Variants in STIL observed in about 807,000 individuals in gnomAD.
STIL encodes the protein SCL-interrupting locus protein.
Under a neutral mutation model 110.1 loss-of-function variants are expected in STIL, and 55 were observed. The observed-to-expected ratio is 0.50, with a 90% confidence interval of 0.40 to 0.63. The LOEUF (loss-of-function observed/expected upper bound fraction) is 0.63, where lower values mean the gene tolerates loss of function less well. Among genes scored for constraint, STIL ranks in the 20% least tolerant of loss-of-function variants. The pLI is 0.00. For synonymous variants in STIL, 481 were observed against 530.0 expected (o/e 0.91, Z 1.27); for missense variants, 1,358 against 1,530.0 (o/e 0.89, Z 1.87).
At chr1:47,309,042 ACT>A (rs1276415737) in intron 2 of STIL, among the ~76,000 whole-genome samples, 3 of 150,462 alleles carry the variant, frequency 2.0e-5, no homozygotes, top group African/African-American at 7.4e-5. Context: ...ACAAAGTGAG[ACT>A]CTGTCTCCAA....
chr1:47,307,222 G>A (rs1645986369), intron 2 of STIL, among the ~76,000 whole-genome samples: 1 of 152,192 alleles, frequency 6.6e-6, no homozygotes, highest in African/African-American at 2.4e-5. Context: ...TCAGGAGGCT[G>A]AGGCATGAGA....
At position 47,259,285 on chromosome 1, in the gene STIL, C is replaced by CTTTTTT. The variant is rs3043082; in HGVS notation, c.3080+998_3080+1003dup. On this transcript the variant is annotated intron_variant, in intron 16 of 16. Coordinates refer to ENST00000371877, the MANE Select transcript of STIL (RefSeq NM_001048166.1). ...ACAGGTGTGAGGTACCGCGCCCGGC[C>CTTTTTT]TTTTTTTTTTTTTTTTTTTTGACTG... is the stretch of plus-strand genomic sequence containing the variant. Among the ~76,000 whole-genome samples, 39 of 76,108 alleles carry CTTTTTT rather than the reference C, an allele frequency of 5.1e-4. 3 individuals are homozygous for CTTTTTT. Among genetic ancestry groups the CTTTTTT allele is most frequent in the African/African-American group, 1.3e-3 (24 of 18,036 alleles). 49.9% of individuals were successfully genotyped at this position (76,108 alleles called of 152,430 possible). A position where few individuals can be genotyped will look rare whatever the true frequency, so the allele number is the denominator to read the frequency against.
chr1:47,301,890 T>C lies in STIL; in HGVS notation c.266-142A>G, dbSNP rs1343647056. 1.4e-5 allele frequency: 11 copies of C among 774,252 alleles called. No individual in the cohort carries two copies. The East Asian group carries it at 2.9e-4, about 21-fold the overall frequency. 48.0% of individuals were successfully genotyped at this position (774,252 alleles called of 1,614,324 possible). A position where few individuals can be genotyped will look rare whatever the true frequency, so the allele number is the denominator to read the frequency against. Reference sequence around the variant, plus strand: ...TAAATACTAAACTAAACTCTTACAGTAAACTAAACTCTTATAAGCGTATAC... The same window carrying C: ...TAAATACTAAACTAAACTCTTACAGCAAACTAAACTCTTATAAGCGTATAC... On this transcript the variant is annotated intron_variant, in intron 4 of 16. Transcript: ENST00000371877.
rs540612576 is a variant in STIL at position 47,299,400 on chromosome 1, C to CTT, written c.701+503_701+504dup. Among the ~76,000 whole-genome samples the CTT allele has an allele frequency of 1.8e-3, 258 of 140,400 alleles. 2 individuals are homozygous for CTT. The highest frequency in any genetic ancestry group is 3.6e-3 in the Middle Eastern group (1 of 274). The allele number at this position is 140,400 out of a possible 152,430, so 92.1% of individuals were successfully genotyped here. ...ATACTTTATGGCCACTCAGTTTTGT[C>CTT]TTTTTTTTTTTTTTGAAACGGAGTC... On this transcript the variant is annotated intron_variant, in intron 6 of 16. Transcript: ENST00000371877.
chr1:47,264,177 T>C (rs899277495), intron 14 of STIL, among the ~76,000 whole-genome samples: 7 of 152,348 alleles, frequency 4.6e-5, no homozygotes, highest in East Asian at 1.9e-4. Flanking sequence ...AAGAGCTAGA[T>C]AGCTCCTTTC....
rs1645758457 is a variant in STIL at position 47,300,074 on chromosome 1, T to A, written c.532A>T (p.Arg178Trp). ...AATTCCACACTGTCCAAACTCTCCC[T>A]GGAAGTGATATGAACTCTTAGGGAA... Reference protein sequence around the residue: ...LLSLRVHITSRESLDSVEFDL... With the variant: ...LLSLRVHITSWESLDSVEFDL... Residue 178 changes from arginine (R) to tryptophan (W), a missense_variant, in exon 6 of 17, where the codon AGG becomes TGG. By Grantham distance (101) the Arg-to-Trp change is moderately radical (BLOSUM62 -3). Coordinates refer to ENST00000371877, the MANE Select transcript of STIL (RefSeq NM_001048166.1). 3.1e-6 allele frequency: 5 copies of A among 1,614,056 alleles called. No homozygotes were observed. The highest frequency in any genetic ancestry group is 4.2e-6 in the Non-Finnish European group (5 of 1,180,032).
chr1:47,296,713 G>A (rs1645651590), intron 6 of STIL, among the ~76,000 whole-genome samples: 1 of 152,156 alleles, frequency 6.6e-6, no homozygotes, highest in East Asian at 1.9e-4. Context: ...GGGAGGCTGA[G>A]GCAGGAGAAT....
At chr1:47,296,268 A>C (rs1480314039) in intron 6 of STIL, among the ~76,000 whole-genome samples, 1 of 152,212 alleles carries the variant, frequency 6.6e-6, no homozygotes, top group Non-Finnish European at 1.5e-5. Context: ...AACAGATGTG[A>C]CTTCTAAGTG....
Position 47,264,714 on chromosome 1 carries a change from A to C in STIL, c.2616-1598T>G, listed in dbSNP as rs571413790. ...CTCAGCAGTGGGAACCAGAGCACGA[A>C]TCAGACCAAAAGTGCGAGAAGGATC... On this transcript the variant is annotated intron_variant, in intron 14 of 16. Coordinates refer to ENST00000371877, the MANE Select transcript of STIL (RefSeq NM_001048166.1). Among the ~76,000 whole-genome samples, 5 of 152,314 alleles carry C rather than the reference A, an allele frequency of 3.3e-5. No homozygotes were observed. The South Asian group carries it at 8.3e-4, about 25-fold the overall frequency.
intron 12 of STIL, among the ~76,000 whole-genome samples, chr1:47,277,074 T>C (rs538930016): frequency 6.6e-6 from 1 of 152,122 alleles, no homozygotes; most frequent in Admixed American, 6.6e-5. Context: ...AAGAAAACAG[T>C]GATGAATGTG....
At chr1:47,294,257 C>T (rs1013930326) in intron 7 of STIL, among the ~76,000 whole-genome samples, 3 of 152,184 alleles carry the variant, frequency 2.0e-5, no homozygotes, top group Non-Finnish European at 4.4e-5. Flanking sequence ...TGTTCACTTT[C>T]CATACTGGTC....
rs940764385 is a variant in STIL, at chr1:47,314,022, A to T, written c.-44+14T>A. On this transcript the variant is annotated intron_variant, in intron 1 of 16. Coordinates refer to ENST00000371877, the MANE Select transcript of STIL (RefSeq NM_001048166.1). ...CCTCTCAAGGGGAAACCAGGAGCAC[A>T]AAGCTCCACTTACCGCAACTTCCGC... 5 of 152,448 alleles carry T rather than the reference A, an allele frequency of 3.3e-5. No individual in the cohort carries two copies. The highest frequency in any genetic ancestry group is 1.2e-4 in the African/African-American group (5 of 41,468). The allele number at this position is 152,448 out of a possible 1,614,324, so 9.4% of individuals were successfully genotyped here. A position where few individuals can be genotyped will look rare whatever the true frequency, so the allele number is the denominator to read the frequency against.
chr1:47,311,073 C>T (rs1646108899), intron 1 of STIL, among the ~76,000 whole-genome samples: 1 of 151,948 alleles, frequency 6.6e-6, no homozygotes, highest in African/African-American at 2.4e-5. Context: ...GTCTCAATCT[C>T]TTGACCTCGT....
intron 1 of STIL, chr1:47,313,047 G>A (rs1646181192): frequency 6.6e-6 from 1 of 152,214 alleles, no homozygotes; most frequent in Admixed American, 6.5e-5. Context: ...GCTCATGTCA[G>A]GGGCGGTGGC....
rs761550826 is a variant in STIL, at chr1:47,281,098, G to T, written c.1360C>A (p.Pro454Thr). Residue 454 changes from proline (P) to threonine (T), a missense_variant, in exon 12 of 17, where the codon CCT (proline) becomes ACT (threonine). Transcript: ENST00000371877. ...PLEMVNNENP[P>T]LINHLEHLKP... ...AAGTGTTCCAAGTGGTTAATCAAAG[G>T]AGGATTTTCATTATTCACCATTTCC... is the stretch of plus-strand genomic sequence containing the variant. 1.5e-5 allele frequency: 24 copies of T among 1,613,966 alleles called. No homozygotes were observed. Among genetic ancestry groups the T allele is most frequent in the Non-Finnish European group, 5.1e-6 (6 of 1,180,026 alleles).
At chr1:47,270,254 A>ACG in intron 13 of STIL, among the ~76,000 whole-genome samples, 1 of 119,526 alleles carries the variant, frequency 8.4e-6, no homozygotes, top group Non-Finnish European at 1.8e-5. Context: ...ATATATATAT[A>ACG]TACACACACA....
chr1:47,254,539 T>G (rs80091617), intron 16 of STIL, among the ~76,000 whole-genome samples: 155 of 150,022 alleles, frequency 1.0e-3, no homozygotes, highest in African/African-American at 3.4e-3. Flanking sequence ...GTTTTTTTTT[T>G]GTTTTTTTTG....
At chr1:47,295,380 G>C (rs891782259) in intron 7 of STIL, among the ~76,000 whole-genome samples, 2 of 152,022 alleles carry the variant, frequency 1.3e-5, no homozygotes, top group African/African-American at 4.8e-5. Context: ...ACGGGTTCGA[G>C]ACGAGCCTGG....
Position 47,307,986 on chromosome 1 carries a change from CCGGTTGAT to C in STIL, c.44+2282_44+2289del, listed in dbSNP as rs1646013290. ...TCCCACCTAATAAATTGTAGTCAGA[CCGGTTGAT>C]CTGAAAACCCTGTCTCCTGATAAGA... On this transcript the variant is annotated intron_variant, in intron 2 of 16. Transcript: ENST00000371877. 2.0e-5 allele frequency among the ~76,000 whole-genome samples: 3 copies of C among 152,174 alleles called. No individual in the cohort carries two copies. In the South Asian group the frequency reaches 6.2e-4, roughly 32 times the overall value.
Sources: gnomAD v4.1 joint callset for allele counts (sites outside exome capture counted in the v4.1 genomes callset) on GRCh38, gnomAD v4.1.1 for gene constraint, MANE v1.5 for transcripts, NCBI Gene and HGNC (gene_info 2026-07-23, HGNC 2026-07-21) for gene names.